FAM135B: variants seen among roughly 807,000 people sequenced by gnomAD.
FAM135B encodes the protein protein FAM135B.
Under a neutral mutation model 127.7 loss-of-function variants are expected in FAM135B, and 43 were observed. The observed-to-expected ratio is 0.34, with a 90% confidence interval of 0.26 to 0.43. The LOEUF (loss-of-function observed/expected upper bound fraction) is 0.43, where lower values mean the gene tolerates loss of function less well. Ranked by LOEUF, FAM135B falls within the 20% of genes least tolerant of loss-of-function variation. The pLI is 1.00. For missense variants in FAM135B, 1,558 were observed against 1,725.6 expected (o/e 0.90, Z 1.72); for synonymous variants, 670 against 665.1 (o/e 1.01, Z -0.11).
At chr8:138,259,341 A>T (rs1822366726) in intron 4 of FAM135B, among the ~76,000 whole-genome samples, 2 of 152,330 alleles carry the variant, frequency 1.3e-5, no homozygotes, top group South Asian at 4.1e-4. Context: ...ATACACGTGT[A>T]CGACTCTTAG....
At chr8:138,311,967 G>A (rs900702017) in intron 2 of FAM135B, among the ~76,000 whole-genome samples, 3 of 152,090 alleles carry the variant, frequency 2.0e-5, no homozygotes, top group African/African-American at 7.2e-5. Context: ...TATATATTGA[G>A]ATGGCATCTT....
chr8:138,140,921 G>A (rs913907834), intron 17 of FAM135B, among the ~76,000 whole-genome samples: 5 of 152,078 alleles, frequency 3.3e-5, no homozygotes, highest in South Asian at 2.1e-4. Flanking sequence ...TCACAACACC[G>A]TGTCTTGTCA....
chr8:138,203,184 C>G (rs1817281750), intron 7 of FAM135B, among the ~76,000 whole-genome samples: 2 of 152,246 alleles, frequency 1.3e-5, no homozygotes, highest in Non-Finnish European at 1.5e-5. Context: ...GCAAATGTCT[C>G]TCAAATCTAT....
chr8:138,404,872 T>G (rs948485898), intron 1 of FAM135B, among the ~76,000 whole-genome samples: 6 of 152,166 alleles, frequency 3.9e-5, no homozygotes, highest in Non-Finnish European at 1.5e-5. Flanking sequence ...AAGTCATCCA[T>G]GAGGGTTGCT....
At chr8:138,206,072 T>G (rs900466920) in intron 7 of FAM135B, among the ~76,000 whole-genome samples, 22 of 146,492 alleles carry the variant, frequency 1.5e-4, no homozygotes, top group African/African-American at 5.4e-4. Context: ...TATGCATAGT[T>G]CAGCATCCTC....
At chr8:138,175,807 C>T (rs563352623) in intron 11 of FAM135B, among the ~76,000 whole-genome samples, 87 of 152,232 alleles carry the variant, frequency 5.7e-4, no homozygotes, top group African/African-American at 2.0e-3. Flanking sequence ...TATGTCTTGC[C>T]TGTTTCCTCA....
Position 138,201,300 on chromosome 8 carries a change from T to C in FAM135B, c.670-3631A>G, listed in dbSNP as rs528353603. 5.9e-5 allele frequency among the ~76,000 whole-genome samples: 9 copies of C among 152,280 alleles called. No homozygotes were observed. The East Asian group carries it at 1.7e-3, about 29-fold the overall frequency. On this transcript the variant is annotated intron_variant, in intron 7 of 19. Coordinates refer to ENST00000395297, the MANE Select transcript of FAM135B (RefSeq NM_015912.4). ...TATGAAGTCTCTTATCAAGTTTGAC[T>C]TTTAAAACTAGATGCCAATGTCATA...
At chr8:138,245,340 T>C (rs1370520335) in intron 6 of FAM135B, among the ~76,000 whole-genome samples, 1 of 152,134 alleles carries the variant, frequency 6.6e-6, no homozygotes, top group Non-Finnish European at 1.5e-5. Context: ...CCAAATCTCA[T>C]CTTGAATTGT....
At chr8:138,153,248 T>A in intron 12 of FAM135B, 32 bp from the exon 13 acceptor site, 1 of 1,458,702 alleles carries the variant, frequency 6.9e-7, no homozygotes, top group Non-Finnish European at 9.2e-7. Context: ...AATTATATTA[T>A]AGTGTAAGAA....
intron 2 of FAM135B, among the ~76,000 whole-genome samples, chr8:138,329,117 C>G (rs6983137): frequency 0.045 from 6,871 of 152,076 alleles, 162 homozygotes; most frequent in South Asian, 0.064. Flanking sequence ...GATTGAAAAG[C>G]AGACAGTGAG....
At chr8:138,232,041 C>A (rs1819942212) in intron 7 of FAM135B, among the ~76,000 whole-genome samples, 1 of 152,204 alleles carries the variant, frequency 6.6e-6, no homozygotes, top group South Asian at 2.1e-4. Context: ...GAAGAAGAAA[C>A]AAAGGATCTG....
rs1319147413 is a variant in FAM135B at position 138,243,149 on chromosome 8, T to C, written c.543-81A>G. On this transcript the variant is annotated intron_variant, in intron 6 of 19. Transcript: ENST00000395297. The surrounding 1 kb of genome is among the most constrained non-coding windows in gnomAD (Gnocchi z 7.5). ...ATTAACTCAGCCCCTTTGAGGAGTG[T>C]TCCTGTGAAGCATTTGGGATAAGTC... is the stretch of plus-strand genomic sequence containing the variant. The C allele has an allele frequency of 2.0e-6, 3 of 1,496,642 alleles. No individual in the cohort carries two copies. The highest frequency in any genetic ancestry group is 2.3e-5 in the East Asian group (1 of 43,264). 92.7% of individuals were successfully genotyped at this position (1,496,642 alleles called of 1,614,324 possible). A position where few individuals can be genotyped will look rare whatever the true frequency, so the allele number is the denominator to read the frequency against.
chr8:138,495,966 G>A (rs1449575042), intron 1 of FAM135B, among the ~76,000 whole-genome samples: 4 of 152,224 alleles, frequency 2.6e-5, no homozygotes, highest in Admixed American at 2.6e-4. Context: ...TGCTGGCAAA[G>A]TGGGGTGGGG....
rs376628848 is a variant in FAM135B at position 138,171,970 on chromosome 8, C to A, written c.1104-3921G>T. Among the ~76,000 whole-genome samples, 36 of 152,224 alleles carry A rather than the reference C, an allele frequency of 2.4e-4. No homozygotes were observed. In the East Asian group the frequency reaches 4.6e-3, roughly 20 times the overall value. On this transcript the variant is annotated intron_variant, in intron 11 of 19. Coordinates refer to ENST00000395297, the MANE Select transcript of FAM135B (RefSeq NM_015912.4). ...TGCATGTGTGTGCATACGAGTGTAG[C>A]TGGGTGCATGCATGGTGCATATATG...
Position 138,293,691 on chromosome 8 carries a change from A to G in FAM135B, c.157+17150T>C, listed in dbSNP as rs557176669. Among the ~76,000 whole-genome samples, 53 of 152,320 alleles carry G rather than the reference A, an allele frequency of 3.5e-4. No homozygotes were observed. The South Asian group carries it at 0.011, about 32-fold the overall frequency. On this transcript the variant is annotated intron_variant, in intron 3 of 19. Transcript: ENST00000395297. Reference sequence around the variant, plus strand: ...CAGGGAAATGCAAATTAAAACTACAATGAGATACCACCTTACCCCTGCAAG... The same window carrying G: ...CAGGGAAATGCAAATTAAAACTACAGTGAGATACCACCTTACCCCTGCAAG...
chr8:138,347,556 C>T (rs1411583814), intron 2 of FAM135B, among the ~76,000 whole-genome samples: 4 of 152,224 alleles, frequency 2.6e-5, no homozygotes, highest in African/African-American at 4.8e-5. Context: ...CAGGATTGCA[C>T]ACAAAGACAG....
In FAM135B at chr8:138,139,002, T is replaced by C. The variant is rs201183176; in HGVS notation, c.3885A>G (p.Gln1295=). The change falls in exon 18 of 20, where the codon CAA becomes CAG. Residue 1295 remains glutamine (Q), a synonymous_variant. Transcript: ENST00000395297. Reference sequence around the variant, plus strand: ...ACCACTGACCTGTTTTTTGGCTTAGTTGGTAGAGGAAACATTTGCGCAAAT... The same window carrying C: ...ACCACTGACCTGTTTTTTGGCTTAGCTGGTAGAGGAAACATTTGCGCAAAT... ...NADLRKCFLY[Q]LSQKTGLQYF... is the part of the protein sequence containing the mutation. 8.1e-5 allele frequency: 130 copies of C among 1,612,164 alleles called. 1 individual carries two copies. Among genetic ancestry groups the C allele is most frequent in the Non-Finnish European group, 4.2e-5 (49 of 1,178,384 alleles).
chr8:138,444,672 A>G (rs1000873271), intron 1 of FAM135B, among the ~76,000 whole-genome samples: 37 of 152,322 alleles, frequency 2.4e-4, no homozygotes, highest in African/African-American at 8.7e-4. Context: ...GGAAATTTAT[A>G]GCACTAAATG....
At chr8:138,408,289 A>G (rs1357778275) in intron 1 of FAM135B, among the ~76,000 whole-genome samples, 1 of 152,192 alleles carries the variant, frequency 6.6e-6, no homozygotes, top group Non-Finnish European at 1.5e-5. Flanking sequence ...AGCCACCTTC[A>G]TCAGTGATTT....
Sources: allele counts gnomAD v4.1 joint callset (sites outside exome capture counted in the v4.1 genomes callset), GRCh38; gene constraint gnomAD v4.1.1; non-coding constraint Gnocchi (gnomAD v3.1); transcripts MANE v1.5; gene names NCBI Gene and HGNC (gene_info 2026-07-23, HGNC 2026-07-21).